Variants in DLG2 observed in about 807,000 individuals in gnomAD.
The protein encoded by DLG2 is disks large homolog 2.
A neutral mutation model predicts 132.5 loss-of-function variants in DLG2; 45 were observed. The observed-to-expected ratio is 0.34, with a 90% CI of 0.27 to 0.44. The LOEUF (loss-of-function observed/expected upper bound fraction) is 0.44, where lower values mean the gene tolerates loss of function less well. DLG2 is among the 20% of genes least tolerant of loss of function. The pLI is 1.00. For synonymous variants in DLG2, 424 were observed against 419.6 expected, an observed-to-expected ratio of 1.01 and a Z score of -0.13; for missense variants, 1,045 against 1,196.9, an observed-to-expected ratio of 0.87 and a Z score of 1.87.
At chr11:85,115,365 T>C (rs956846657) in intron 5 of DLG2, among the ~76,000 whole-genome samples, 6 of 151,990 alleles carry the variant, frequency 3.9e-5, no homozygotes, top group African/African-American at 1.4e-4. Flanking sequence ...CAAGCATTTA[T>C]TGAGCAATTA....
At chr11:85,167,840 A>G (rs1442755039) in intron 4 of DLG2, among the ~76,000 whole-genome samples, 2 of 152,166 alleles carry the variant, frequency 1.3e-5, no homozygotes, top group African/African-American at 2.4e-5. Context: ...TAAGGAAAAG[A>G]TATTACTTTT....
chr11:85,135,380 G>A (rs1300615009), intron 5 of DLG2, among the ~76,000 whole-genome samples: 1 of 152,202 alleles, frequency 6.6e-6, no homozygotes, highest in Non-Finnish European at 1.5e-5. Flanking sequence ...ACAATCAGGG[G>A]TTAGACAGAG....
intron 7 of DLG2, among the ~76,000 whole-genome samples, chr11:84,465,334 A>G (rs569324607): frequency 1.3e-5 from 2 of 151,256 alleles, no homozygotes; most frequent in South Asian, 4.2e-4. Context: ...TTTTGTTTTT[A>G]TTTTAAACTG....
At chr11:84,097,100 A>G (rs565741995) in intron 10 of DLG2, among the ~76,000 whole-genome samples, 1 of 152,348 alleles carries the variant, frequency 6.6e-6, no homozygotes, top group African/African-American at 2.4e-5. Flanking sequence ...CTTAAGTCAC[A>G]GTCCTCAATG....
At chr11:84,025,788 T>C (rs2095521000) in intron 11 of DLG2, among the ~76,000 whole-genome samples, 1 of 152,158 alleles carries the variant, frequency 6.6e-6, no homozygotes, top group South Asian at 2.1e-4. Context: ...GTGGAACAGA[T>C]ATTTTGTCTT....
chr11:85,361,872 A>T (rs893324020), intron 3 of DLG2, among the ~76,000 whole-genome samples: 11 of 152,292 alleles, frequency 7.2e-5, no homozygotes, highest in Admixed American at 4.6e-4. Context: ...GATTGTGTTG[A>T]ATCTGTAGAT....
At chr11:84,236,613 A>C (rs1376429356) in intron 8 of DLG2, among the ~76,000 whole-genome samples, 1 of 152,208 alleles carries the variant, frequency 6.6e-6, no homozygotes, top group African/African-American at 2.4e-5. Flanking sequence ...AACTTGATCA[A>C]GTCTGAGCCT....
intron 7 of DLG2, among the ~76,000 whole-genome samples, chr11:84,405,285 C>T (rs1295971632): frequency 1.3e-5 from 2 of 152,174 alleles, no homozygotes; most frequent in Non-Finnish European, 2.9e-5. Flanking sequence ...TTAGTATCTC[C>T]ATCCTTATTT....
intron 2 of DLG2, among the ~76,000 whole-genome samples, chr11:85,602,571 G>T (rs889247061): frequency 2.0e-5 from 3 of 151,962 alleles, no homozygotes; most frequent in Non-Finnish European, 2.9e-5. Context: ...TTTTTGTAGA[G>T]ATGAGGTCTC....
intron 7 of DLG2, among the ~76,000 whole-genome samples, chr11:84,269,384 C>A (rs184932269): frequency 6.6e-6 from 1 of 152,308 alleles, no homozygotes; most frequent in African/African-American, 2.4e-5. Flanking sequence ...CTGTTTCCTC[C>A]ACTTGGAATG....
intron 6 of DLG2, among the ~76,000 whole-genome samples, chr11:84,582,602 A>T (rs1029830962): frequency 1.3e-5 from 2 of 151,480 alleles, no homozygotes; most frequent in African/African-American, 4.8e-5. Context: ...CCATAATTAC[A>T]TGTTGACAAT....
chr11:84,743,751 C>CT lies in DLG2; in HGVS notation c.358-209021dup, dbSNP rs112568691. 7.3e-3 allele frequency among the ~76,000 whole-genome samples: 1,088 copies of CT among 148,352 alleles called. 28 individuals carry two copies. The East Asian group carries it at 0.089, about 12-fold the overall frequency. On this transcript the variant is annotated intron_variant, in intron 6 of 27. Transcript: ENST00000376104. Reference sequence around the variant, plus strand: ...ACTGAAGGAAAGAGAATTTTCTTTTCTTTTTTTTTTTGAGACAGGCTGGAG... The same window carrying CT: ...ACTGAAGGAAAGAGAATTTTCTTTTCTTTTTTTTTTTTGAGACAGGCTGGAG...
At chr11:85,481,797 T>C (rs531913750) in intron 3 of DLG2, among the ~76,000 whole-genome samples, 7 of 152,122 alleles carry the variant, frequency 4.6e-5, no homozygotes, top group Admixed American at 1.3e-4. Flanking sequence ...CCAGAACCTA[T>C]GGACCCAGCC....
intron 7 of DLG2, among the ~76,000 whole-genome samples, chr11:84,270,170 T>G (rs910186621): frequency 6.6e-6 from 1 of 152,224 alleles, no homozygotes; most frequent in African/African-American, 2.4e-5. Context: ...TAGAAGAATG[T>G]CCTTATGCCT....
chr11:84,139,066 T>C (rs1469593998), intron 9 of DLG2, among the ~76,000 whole-genome samples: 1 of 152,188 alleles, frequency 6.6e-6, no homozygotes, highest in Non-Finnish European at 1.5e-5. Flanking sequence ...ATCAGGTTTG[T>C]ATCATGGAAT....
intron 6 of DLG2, among the ~76,000 whole-genome samples, chr11:85,106,911 G>A (rs2071846055): frequency 6.6e-6 from 1 of 151,954 alleles, no homozygotes. Context: ...AAAATGTATA[G>A]TGCTTTCTAT....
chr11:84,108,425 T>C (rs115899438), intron 9 of DLG2, among the ~76,000 whole-genome samples: 2,558 of 152,170 alleles, frequency 0.017, 74 homozygotes, highest in African/African-American at 0.058. Context: ...ACATTTTTCA[T>C]TGAAACTGAA....
In DLG2 at chr11:84,860,168, A is replaced by T. The variant is rs2083421245; in HGVS notation, c.357+251493T>A. Among the ~76,000 whole-genome samples, 2 of 152,192 alleles carry T rather than the reference A, an allele frequency of 1.3e-5. 1 individual carries two copies. The highest frequency in any genetic ancestry group is 1.3e-4 in the Admixed American group (2 of 15,274). ...ATTTCAACCTCTTCGACTTAAAAAA[A>T]TATTTATTGTATTGGCTCATAAGCT... is the stretch of plus-strand genomic sequence containing the variant. On this transcript the variant is annotated intron_variant, in intron 6 of 27. Transcript: ENST00000376104.
intron 5 of DLG2, among the ~76,000 whole-genome samples, chr11:85,140,447 A>G (rs1000886202): frequency 5.9e-5 from 9 of 151,964 alleles, no homozygotes; most frequent in Non-Finnish European, 1.3e-4. Context: ...TTAAAAAATT[A>G]TGAGTACATG....
Sources: gnomAD v4.1 joint callset for allele counts (sites outside exome capture counted in the v4.1 genomes callset) on GRCh38, gnomAD v4.1.1 for gene constraint, MANE v1.5 for transcripts, NCBI Gene and HGNC (gene_info 2026-07-23, HGNC 2026-07-21) for gene names.